Variants in CBX3 observed in about 807,000 individuals in gnomAD.
The protein encoded by CBX3 is chromobox 3, also known as chromobox protein homolog 3.
Under a neutral mutation model 22.6 loss-of-function variants are expected in CBX3, and 5 were observed. The ratio of observed to expected loss-of-function variants is 0.22; its 90% confidence interval spans 0.12 to 0.47. The LOEUF (loss-of-function observed/expected upper bound fraction) is 0.47, where lower values mean the gene tolerates loss of function less well. CBX3 is among the 20% of genes least tolerant of loss of function. CBX3 has a pLI of 0.99. For missense variants in CBX3, 83 were observed against 208.1 expected (o/e 0.40, Z 3.70); for synonymous variants, 50 against 66.6 (o/e 0.75, Z 1.21).
rs1388832647 is a variant in CBX3 at position 26,213,496 on chromosome 7, A to C, written c.*1288A>C. On this transcript the variant is annotated 3_prime_UTR_variant, in exon 6 of 6. Transcript: ENST00000396386. ...ATATCCTAGATCTTTTGAGCTTACG[A>C]GTTTTAAACTTGAATATGTATTTCC... 1 of 152,162 alleles carries C rather than the reference A, an allele frequency of 6.6e-6. No homozygotes were observed. Among genetic ancestry groups the C allele is most frequent in the African/African-American group, 2.4e-5 (1 of 41,416 alleles). 9.4% of individuals were successfully genotyped at this position (152,162 alleles called of 1,614,324 possible).
At position 26,213,253 on chromosome 7, in the gene CBX3, A is replaced by T. The variant is rs1293440563; in HGVS notation, c.*1045A>T. The T allele has an allele frequency of 6.5e-6, 1 of 152,730 alleles. No individual in the cohort carries two copies. Among genetic ancestry groups the T allele is most frequent in the East Asian group, 1.9e-4 (1 of 5,206 alleles). The allele number at this position is 152,730 out of a possible 1,614,324, so 9.5% of individuals were successfully genotyped here. On this transcript the variant is annotated 3_prime_UTR_variant, in exon 6 of 6. Coordinates refer to ENST00000396386, the MANE Select transcript of CBX3 (RefSeq NM_016587.4). ...ACTGGTTCAGCAAAAGCCAGGAAGA[A>T]CAACTTTGTAGTAATCAAAATGTTA...
intron 4 of CBX3, among the ~76,000 whole-genome samples, chr7:26,208,842 A>C (rs888881594): frequency 1.4e-4 from 19 of 135,864 alleles, no homozygotes; most frequent in Admixed American, 4.7e-4. Context: ...CTGGTCTTGA[A>C]CTCCTGACCT....
chr7:26,206,660 A>G (rs531909260), intron 3 of CBX3, 150 bp downstream of exon 3: 2 of 747,604 alleles, frequency 2.7e-6, no homozygotes, highest in East Asian at 2.6e-5. Context: ...TTTGAGGTCT[A>G]TTTCAAAAGA....
At chr7:26,204,577 C>T (rs1405016567) in intron 2 of CBX3, among the ~76,000 whole-genome samples, 1 of 152,092 alleles carries the variant, frequency 6.6e-6, no homozygotes, top group African/African-American at 2.4e-5. Flanking sequence ...GTATGTGTTA[C>T]CTATATGCTT....
intron 3 of CBX3, among the ~76,000 whole-genome samples, chr7:26,207,845 A>G (rs1784714217): frequency 6.6e-6 from 1 of 151,886 alleles, no homozygotes; most frequent in Non-Finnish European, 1.5e-5. Flanking sequence ...AAATAATACT[A>G]CAGAGCAGAG....
At chr7:26,202,169 G>C (rs995770930) in intron 1 of CBX3, 3 of 152,024 alleles carry the variant, frequency 2.0e-5, no homozygotes, top group African/African-American at 7.2e-5. Context: ...GCTGGGTCGA[G>C]ACTTGGGCCT....
rs1387955005 is a variant in CBX3 at position 26,212,509 on chromosome 7, TC to T, written c.*303del. ...GCTTTTCTAAATGTTGGGGGAAATG[TC>T]CATAGTCATTACTCAGTCAAAACTT... is the stretch of plus-strand genomic sequence containing the variant. On this transcript the variant is annotated 3_prime_UTR_variant, in exon 6 of 6. Transcript: ENST00000396386. 7 of 157,520 alleles carry T rather than the reference TC, an allele frequency of 4.4e-5. No individual in the cohort carries two copies. Among genetic ancestry groups the T allele is most frequent in the Non-Finnish European group, 7.0e-5 (5 of 71,766 alleles). The allele number at this position is 157,520 out of a possible 1,614,324, so 9.8% of individuals were successfully genotyped here.
In CBX3 at chr7:26,213,052, G is replaced by A. The variant is rs1178328798; in HGVS notation, c.*844G>A. ...GCTACATTGACTAAAAGGTCATGATGAATGGAATATGTAAGACTTGGCTCA... is the reference window on the plus strand; with the variant it reads ...GCTACATTGACTAAAAGGTCATGATAAATGGAATATGTAAGACTTGGCTCA... On this transcript the variant is annotated 3_prime_UTR_variant, in exon 6 of 6. Transcript: ENST00000396386. 1 of 152,332 alleles carries A rather than the reference G, an allele frequency of 6.6e-6. No individual in the cohort carries two copies. Among genetic ancestry groups the A allele is most frequent in the Non-Finnish European group, 1.5e-5 (1 of 68,062 alleles). 9.4% of individuals were successfully genotyped at this position (152,332 alleles called of 1,614,324 possible).
intron 2 of CBX3, among the ~76,000 whole-genome samples, chr7:26,204,146 A>C (rs1400472279): frequency 2.0e-5 from 3 of 152,210 alleles, no homozygotes; most frequent in Non-Finnish European, 4.4e-5. Context: ...AGGCAAATAT[A>C]TACTATAAAA....
rs762818575 is a variant in CBX3 at position 26,206,366 on chromosome 7, A to G, written c.25-2A>G. The G allele has an allele frequency of 1.7e-6, 1 of 578,572 alleles. No homozygotes were observed. The highest frequency in any genetic ancestry group is 5.5e-5 in the Admixed American group (1 of 18,268). 35.8% of individuals were successfully genotyped at this position (578,572 alleles called of 1,614,324 possible). ...CTTAATTTCTCTTTTGTTTTATTTT[A>G]GCAAAAAATGGGAAAAAAACAGAAT... On this transcript the variant is annotated splice_acceptor_variant, in intron 2 of 5. Transcript: ENST00000396386. LOFTEE classifies it high-confidence loss of function.
At chr7:26,204,712 C>T (rs1784635702) in intron 2 of CBX3, among the ~76,000 whole-genome samples, 1 of 152,122 alleles carries the variant, frequency 6.6e-6, no homozygotes, top group South Asian at 2.1e-4. Flanking sequence ...CTTTTTTCTG[C>T]TTGCTGCTTT....
intron 2 of CBX3, 28 bp downstream of exon 2, chr7:26,203,050 A>G (rs759296306): frequency 1.3e-6 from 2 of 1,569,518 alleles, no homozygotes; most frequent in Admixed American, 1.7e-5. Flanking sequence ...TAAAATATGT[A>G]AGGATTTAAC....
intron 5 of CBX3, 144 bp from the exon 6 acceptor site, chr7:26,211,938 T>G: frequency 1.1e-6 from 1 of 881,668 alleles, no homozygotes; most frequent in Admixed American, 3.5e-5. Context: ...AAAATGAAGT[T>G]TATTAGAACA....
chr7:26,205,280 T>A (rs1315156516), intron 2 of CBX3, among the ~76,000 whole-genome samples: 3 of 152,222 alleles, frequency 2.0e-5, no homozygotes, highest in African/African-American at 7.2e-5. Context: ...CCTGCTTCTC[T>A]TAAATAGTGT....
intron 5 of CBX3, 50 bp downstream of exon 5, chr7:26,211,806 T>G: frequency 7.4e-7 from 1 of 1,354,556 alleles, no homozygotes; most frequent in Non-Finnish European, 1.0e-6. Flanking sequence ...GCTTTTTTTT[T>G]TTAATTTGTG....
In CBX3 at chr7:26,212,354, G is replaced by A. The variant is rs1404371534; in HGVS notation, c.*146G>A. 2.4e-5 allele frequency: 11 copies of A among 461,734 alleles called. No homozygotes were observed. The South Asian group carries it at 1.1e-3, about 46-fold the overall frequency. 28.6% of individuals were successfully genotyped at this position (461,734 alleles called of 1,614,324 possible). A position where few individuals can be genotyped will look rare whatever the true frequency, so the allele number is the denominator to read the frequency against. The stretch of plus-strand genomic sequence containing the variant: ...TTTTGAAAGTAGCGTTGGAAGAGTT[G>A]TTGGGGGTTTTTTGCATCCATAGCA... On this transcript the variant is annotated 3_prime_UTR_variant, in exon 6 of 6. Transcript: ENST00000396386.
intron 3 of CBX3, among the ~76,000 whole-genome samples, chr7:26,207,975 C>T (rs1784718412): frequency 6.6e-6 from 1 of 150,968 alleles, no homozygotes; most frequent in Non-Finnish European, 1.5e-5. Context: ...CTTTGGGGGT[C>T]CAAGGCTGGA....
intron 4 of CBX3, among the ~76,000 whole-genome samples, chr7:26,209,770 G>C (rs1742009252): frequency 6.6e-6 from 1 of 152,068 alleles, no homozygotes; most frequent in African/African-American, 2.4e-5. Context: ...GATTATACTT[G>C]TCTTGCCTAC....
Position 26,213,192 on chromosome 7 carries a change from A to G in CBX3, c.*984A>G, listed in dbSNP as rs572413925. The G allele has an allele frequency of 4.6e-5, 7 of 152,812 alleles. No homozygotes were observed. The East Asian group carries it at 7.7e-4, about 17-fold the overall frequency. 9.5% of individuals were successfully genotyped at this position (152,812 alleles called of 1,614,324 possible). Reference sequence around the variant, plus strand: ...ACCTGCATGTTTTTTCTTTACCCCAATTCATTACATGGAGGCTCAATCTTG... The same window carrying G: ...ACCTGCATGTTTTTTCTTTACCCCAGTTCATTACATGGAGGCTCAATCTTG... On this transcript the variant is annotated 3_prime_UTR_variant, in exon 6 of 6. Transcript: ENST00000396386.
Sources: gnomAD v4.1 joint callset for allele counts (sites outside exome capture counted in the v4.1 genomes callset) on GRCh38, gnomAD v4.1.1 for gene constraint, MANE v1.5 for transcripts, NCBI Gene and HGNC (gene_info 2026-07-23, HGNC 2026-07-21) for gene names.